MBD5: variants seen among roughly 807,000 people sequenced by gnomAD.
MBD5 encodes the protein methyl-CpG binding domain protein 5, also known as methyl-CpG-binding domain protein 5.
Under a neutral mutation model 117.3 loss-of-function variants are expected in MBD5, and 13 were observed. That is an observed-to-expected ratio of 0.11 (90% confidence interval 0.07 to 0.18). The LOEUF is 0.18. Among genes scored for constraint, MBD5 ranks in the 10% least tolerant of loss-of-function variants. The pLI is 1.00. For missense variants in MBD5, 1,879 were observed against 2,093.8 expected (o/e 0.90, Z 2.00); for synonymous variants, 727 against 766.4 (o/e 0.95, Z 0.85).
At chr2:148,285,194 A>T (rs1242597059) in intron 3 of MBD5, among the ~76,000 whole-genome samples, 1 of 152,260 alleles carries the variant, frequency 6.6e-6, no homozygotes, top group Non-Finnish European at 1.5e-5. Flanking sequence ...ACAAATAGAC[A>T]GCTTAGTTTA....
chr2:148,294,508 T>TTTTTTTTTTTTTTTTTTTTTTTGTTTG (rs1701596852), intron 3 of MBD5, among the ~76,000 whole-genome samples: 1 of 137,474 alleles, frequency 7.3e-6, no homozygotes, highest in Non-Finnish European at 1.6e-5. Context: ...ACAGTTTTTT[T>TTTTTTTTTTTTTTTTTTTTTTTGTTTG]TTTTTTTTTT....
intron 3 of MBD5, among the ~76,000 whole-genome samples, chr2:148,308,120 A>G (rs1408423361): frequency 6.6e-6 from 1 of 152,144 alleles, no homozygotes; most frequent in African/African-American, 2.4e-5. Context: ...ATGTGTCCTT[A>G]TAATAGAGTG....
intron 2 of MBD5, among the ~76,000 whole-genome samples, chr2:148,223,060 C>T (rs10928387): frequency 0.95 from 144,027 of 152,184 alleles, 68,644 homozygotes; most frequent in East Asian, 1. Context: ...TGATATGATA[C>T]ATCACATTGA....
intron 7 of MBD5, among the ~76,000 whole-genome samples, chr2:148,466,136 A>T (rs1379089918): frequency 1.3e-5 from 2 of 152,122 alleles, no homozygotes; most frequent in Non-Finnish European, 2.9e-5. Context: ...CTATATTATC[A>T]TAAGGTTGAG....
intron 2 of MBD5, among the ~76,000 whole-genome samples, chr2:148,193,007 C>T (rs1698875795): frequency 2.0e-5 from 2 of 98,114 alleles, no homozygotes; most frequent in South Asian, 4.6e-4. Flanking sequence ...CTCCCATTCA[C>T]AATTGCTTCA....
chr2:148,384,261 A>T (rs1487147385), intron 4 of MBD5, among the ~76,000 whole-genome samples: 1 of 152,230 alleles, frequency 6.6e-6, no homozygotes, highest in Non-Finnish European at 1.5e-5. Flanking sequence ...AATTCAGCAA[A>T]GTCTCAGGAT....
At chr2:148,390,515 A>G (rs1704537830) in intron 4 of MBD5, among the ~76,000 whole-genome samples, 2 of 147,462 alleles carry the variant, frequency 1.4e-5, no homozygotes, top group African/African-American at 2.5e-5. Flanking sequence ...GTGTATGTAT[A>G]TATGTGTGTG....
chr2:148,478,863 C>A (rs935828901), intron 8 of MBD5, among the ~76,000 whole-genome samples: 2 of 152,126 alleles, frequency 1.3e-5, no homozygotes, highest in African/African-American at 4.8e-5. Flanking sequence ...CTGGTAAACA[C>A]GTAATGAATA....
At chr2:148,325,694 T>C (rs1403462539) in intron 3 of MBD5, among the ~76,000 whole-genome samples, 2 of 152,194 alleles carry the variant, frequency 1.3e-5, no homozygotes, top group Non-Finnish European at 2.9e-5. Flanking sequence ...CCCTTTATCA[T>C]TTTTTATTGC....
chr2:148,332,741 A>C (rs1016433568), intron 3 of MBD5, among the ~76,000 whole-genome samples: 1 of 152,248 alleles, frequency 6.6e-6, no homozygotes, highest in African/African-American at 2.4e-5. Context: ...CTGAAATTTT[A>C]TTAGGATATG....
At chr2:148,217,459 T>C (rs1699584897) in intron 2 of MBD5, among the ~76,000 whole-genome samples, 1 of 152,184 alleles carries the variant, frequency 6.6e-6, no homozygotes, top group Non-Finnish European at 1.5e-5. Context: ...GAAGCACTTG[T>C]CTTCCACCTT....
chr2:148,347,366 T>C (rs1430725617), intron 4 of MBD5: 2 of 152,002 alleles, frequency 1.3e-5, no homozygotes, highest in Non-Finnish European at 2.9e-5. Context: ...CAGAGTGAGA[T>C]CTTGTCTTTA....
At chr2:148,267,108 G>C (rs1220718451) in intron 3 of MBD5, among the ~76,000 whole-genome samples, 1 of 152,118 alleles carries the variant, frequency 6.6e-6, no homozygotes, top group African/African-American at 2.4e-5. Context: ...ATGTTGATTT[G>C]GGAGGTGATG....
intron 3 of MBD5, among the ~76,000 whole-genome samples, chr2:148,287,041 C>CT (rs1051660931): frequency 2.0e-5 from 3 of 151,858 alleles, no homozygotes; most frequent in Non-Finnish European, 2.9e-5. Context: ...TAAAGAGGTT[C>CT]TTTTTTTTGC....
At position 148,483,862 on chromosome 2, in the gene MBD5, G is replaced by A; in HGVS notation, c.3271G>A (p.Gly1091Arg). 1 of 1,550,582 alleles carries A rather than the reference G, an allele frequency of 6.4e-7. No individual in the cohort carries two copies. The highest frequency in any genetic ancestry group is 8.7e-7 in the Non-Finnish European group (1 of 1,146,986). The change falls in exon 9 of 14, where the codon GGA becomes AGA. Residue 1091 changes from glycine (G) to arginine (R), a missense_variant. Gly to Arg is a moderately radical substitution (Grantham distance 125). Transcript: ENST00000642680. ...AATGACCTTGAATCCCCAGCTGTTG[G>A]GAGGTGTCCTGAACTCGGCATCGGC... ...GLMTLNPQLL[G>R]GVLNSASANT...
In MBD5 at chr2:148,174,610, T is replaced by TA. The variant is rs766869459; in HGVS notation, c.-924-4090_-924-4089insA. The stretch of plus-strand genomic sequence containing the variant: ...GAAACACCTGAATAGCAAGAAAATT[T>TA]TAAAAAAAAACATTAAAAATTGGAA... On this transcript the variant is annotated intron_variant, in intron 1 of 13. Transcript: ENST00000642680. Among the ~76,000 whole-genome samples, 86 of 149,796 alleles carry TA rather than the reference T, an allele frequency of 5.7e-4. No homozygotes were observed. The East Asian group carries it at 6.4e-3, about 11-fold the overall frequency.
intron 1 of MBD5, among the ~76,000 whole-genome samples, chr2:148,142,388 G>A (rs1258694277): frequency 6.6e-6 from 1 of 152,170 alleles, no homozygotes; most frequent in Admixed American, 6.5e-5. Context: ...ATTCAGAGTA[G>A]TAGAATGGCA....
chr2:148,322,849 TTTATTA>T (rs916291897), intron 3 of MBD5, among the ~76,000 whole-genome samples: 1 of 151,900 alleles, frequency 6.6e-6, no homozygotes, highest in Admixed American at 6.6e-5. Context: ...TATTTATTTA[TTTATTA>T]TTATTATACT....
chr2:148,368,818 G>C (rs1703774206), intron 4 of MBD5, among the ~76,000 whole-genome samples: 1 of 151,980 alleles, frequency 6.6e-6, no homozygotes, highest in Non-Finnish European at 1.5e-5. Context: ...GTTAGAAAAT[G>C]ATTTTATAAC....
Sources: gnomAD v4.1 joint callset for allele counts (sites outside exome capture counted in the v4.1 genomes callset) on GRCh38, gnomAD v4.1.1 for gene constraint, MANE v1.5 for transcripts, NCBI Gene and HGNC (gene_info 2026-07-23, HGNC 2026-07-21) for gene names.